The following COL21A1 variants were observed in gnomAD, a reference collection of about 807,000 sequenced individuals.
The protein encoded by COL21A1 is collagen type XXI alpha 1 chain.
In COL21A1, 149 loss-of-function variants were observed where a neutral mutation model predicts 137.9. That is an observed-to-expected ratio of 1.08 (90% confidence interval 0.95 to 1.24). The LOEUF (loss-of-function observed/expected upper bound fraction) is 1.24. COL21A1 is among the 50% of genes most tolerant of loss of function. The pLI is 0.00. For synonymous variants in COL21A1, 456 were observed against 391.5 expected, an observed-to-expected ratio of 1.16 and a Z score of -1.95; for missense variants, 1,167 against 1,158.4, an observed-to-expected ratio of 1.01 and a Z score of -0.11.
chr6:56,345,196 T>C (rs1283389420), intron 1 of COL21A1, among the ~76,000 whole-genome samples: 1 of 152,122 alleles, frequency 6.6e-6, no homozygotes, highest in East Asian at 1.9e-4. Context: ...ACGGATTACT[T>C]CTGGGTGGGA....
intron 1 of COL21A1, among the ~76,000 whole-genome samples, chr6:56,227,174 T>C (rs1781261213): frequency 6.6e-6 from 1 of 152,012 alleles, no homozygotes; most frequent in Non-Finnish European, 1.5e-5. Flanking sequence ...GCACATTCAA[T>C]GTACAAATGT....
intron 1 of COL21A1, among the ~76,000 whole-genome samples, chr6:56,380,515 A>T (rs1230581823): frequency 6.6e-6 from 1 of 152,196 alleles, no homozygotes; most frequent in Admixed American, 6.5e-5. Flanking sequence ...CAATAAAATT[A>T]TCTGTAATCT....
intron 1 of COL21A1, among the ~76,000 whole-genome samples, chr6:56,234,825 T>C (rs1781799089): frequency 6.6e-6 from 1 of 151,848 alleles, no homozygotes; most frequent in African/African-American, 2.4e-5. Context: ...TTTCTCCTGA[T>C]TGGTCATTTT....
intron 12 of COL21A1, among the ~76,000 whole-genome samples, chr6:56,129,699 T>TGTGTGAGAGAGAGA (rs1450514214): frequency 5.8e-5 from 7 of 120,440 alleles, no homozygotes; most frequent in Admixed American, 2.7e-4. Context: ...TGTGTGTGTG[T>TGTGTGAGAGAGAGA]GAGAGAGAGA....
intron 12 of COL21A1, among the ~76,000 whole-genome samples, chr6:56,132,780 G>A (rs60521196): frequency 1.3e-3 from 203 of 152,192 alleles, no homozygotes; most frequent in East Asian, 0.013. Flanking sequence ...GGTCTTTCAC[G>A]TGCTGCTCTC....
intron 1 of COL21A1, among the ~76,000 whole-genome samples, chr6:56,358,125 T>C (rs984628593): frequency 2.6e-5 from 4 of 152,194 alleles, no homozygotes; most frequent in Admixed American, 6.5e-5. Flanking sequence ...GCACTTTTTT[T>C]CTAAGGGGTA....
chr6:56,116,634 G>T (rs933427476), intron 16 of COL21A1, among the ~76,000 whole-genome samples: 1 of 151,826 alleles, frequency 6.6e-6, no homozygotes. Context: ...GTAATAATAA[G>T]CACACAGAAA....
intron 9 of COL21A1, 52 bp downstream of exon 9, chr6:56,164,371 C>T: frequency 8.6e-7 from 1 of 1,164,016 alleles, no homozygotes; most frequent in East Asian, 2.5e-5. Context: ...TATGGTTTAC[C>T]CAGCTCTTGT....
chr6:56,227,781 A>T (rs1310421317), intron 1 of COL21A1, among the ~76,000 whole-genome samples: 1 of 152,054 alleles, frequency 6.6e-6, no homozygotes, highest in Non-Finnish European at 1.5e-5. Context: ...AAGATATCAA[A>T]TATATAACTA....
At chr6:56,144,457 A>G (rs1169353692) in intron 10 of COL21A1, among the ~76,000 whole-genome samples, 1 of 152,238 alleles carries the variant, frequency 6.6e-6, no homozygotes, top group Non-Finnish European at 1.5e-5. Context: ...GAAAGTTACC[A>G]TGGAAATTGG....
chr6:56,346,763 G>A (rs1033227222), intron 1 of COL21A1, among the ~76,000 whole-genome samples: 17 of 152,130 alleles, frequency 1.1e-4, no homozygotes, highest in Non-Finnish European at 1.6e-4. Context: ...GAGCTGTACC[G>A]CTCCTCTCAG....
At chr6:56,058,817 G>A (rs2114019535) in intron 29 of COL21A1, among the ~76,000 whole-genome samples, 1 of 152,232 alleles carries the variant, frequency 6.6e-6, no homozygotes, top group Admixed American at 6.5e-5. Flanking sequence ...TGCACAGCTA[G>A]CAGAGATTAC....
chr6:56,358,721 A>C (rs1362685732), intron 1 of COL21A1, among the ~76,000 whole-genome samples: 2 of 152,192 alleles, frequency 1.3e-5, no homozygotes, highest in Admixed American at 1.3e-4. Flanking sequence ...ACATGTCCCC[A>C]AGTCAGGAGA....
chr6:56,059,178 A>G lies in COL21A1; in HGVS notation c.2673T>C (p.Pro891=), dbSNP rs1008016925. 8 of 1,612,322 alleles carry G rather than the reference A, an allele frequency of 5.0e-6. No individual in the cohort carries two copies. The highest frequency in any genetic ancestry group is 6.8e-6 in the Non-Finnish European group (8 of 1,179,236). The change falls in exon 29 of 30, where the codon CCT becomes CCC. Residue 891 remains proline (P), a synonymous_variant. Transcript: ENST00000244728. The part of the protein sequence containing the change: ...QGFGYPGEQG[P]PGPPGPEGPP... ...AGCAATTCTCACCTGGGGGACCAGG[A>G]GGACCTTGTTCTCCAGGATACCCAA...
At position 56,171,071 on chromosome 6, in the gene COL21A1, A is replaced by T; in HGVS notation, c.698T>A (p.Ile233Asn). Residue 233 changes from isoleucine to asparagine, a missense_variant, in exon 4 of 30, where the codon ATT (isoleucine) becomes AAT (asparagine). By Grantham distance (149) the Ile-to-Asn change is moderately radical (BLOSUM62 -3). Transcript: ENST00000244728. ...TTTATTTACATCTAAACCTAAAAGA[A>T]TATCAAATCCCCTTTCATCACGAGC... ...VAARDERGFD[I>N]LLGLDVNKKV... 1 of 1,609,870 alleles carries T rather than the reference A, an allele frequency of 6.2e-7. No homozygotes were observed. Among genetic ancestry groups the T allele is most frequent in the Non-Finnish European group, 8.5e-7 (1 of 1,178,184 alleles).
chr6:56,258,522 T>C (rs1042252305), intron 1 of COL21A1, among the ~76,000 whole-genome samples: 4 of 152,012 alleles, frequency 2.6e-5, no homozygotes, highest in African/African-American at 9.7e-5. Context: ...AGCCTCGGAG[T>C]AAGGTCACAG....
chr6:56,160,641 T>G (rs1278980710), intron 9 of COL21A1, among the ~76,000 whole-genome samples: 1 of 152,222 alleles, frequency 6.6e-6, no homozygotes, highest in Non-Finnish European at 1.5e-5. Context: ...TTCAAAAATA[T>G]GTACTCAGCT....
intron 1 of COL21A1, among the ~76,000 whole-genome samples, chr6:56,283,675 C>A (rs1763834325): frequency 6.6e-6 from 1 of 152,052 alleles, no homozygotes; most frequent in African/African-American, 2.4e-5. Context: ...GACCATTTTC[C>A]AACAGATGAA....
intron 1 of COL21A1, among the ~76,000 whole-genome samples, chr6:56,201,109 GA>G (rs1472696245): frequency 1.3e-5 from 2 of 152,114 alleles, no homozygotes; most frequent in Non-Finnish European, 2.9e-5. Context: ...CTTCTTTTGA[GA>G]AGTGTCTGTT....
Sources: allele counts gnomAD v4.1 joint callset (sites outside exome capture counted in the v4.1 genomes callset), GRCh38; gene constraint gnomAD v4.1.1; transcripts MANE v1.5; gene names NCBI Gene and HGNC (gene_info 2026-07-23, HGNC 2026-07-21).